The following DACH2 variants were observed in gnomAD, a reference collection of about 807,000 sequenced individuals.
DACH2 encodes dachshund homolog 2.
DACH2 carries 17 observed loss-of-function variants against 35.8 expected under a neutral mutation model. The observed-to-expected ratio is 0.48, with a 90% CI of 0.33 to 0.71. The LOEUF is 0.71. Among genes scored for constraint, DACH2 ranks in the 30% least tolerant of loss-of-function variants. The probability of loss-of-function intolerance (pLI) is 0.02; values close to 1 mark genes in which losing one functional copy is unlikely to be tolerated. For missense variants in DACH2, 469 were observed against 472.7 expected (o/e 0.99, Z 0.07); for synonymous variants, 195 against 177.3 (o/e 1.10, Z -0.79).
chrX:86,514,121 G>T (rs982675111), intron 2 of DACH2, 158 bp from the exon 3 acceptor site: 1 of 490,089 alleles, frequency 2.0e-6, no homozygotes, highest in East Asian at 3.7e-5. Flanking sequence ...GGAAAGTAAA[G>T]AATTGGTCTC....
intron 1 of DACH2, among the ~76,000 whole-genome samples, chrX:86,274,666 GT>G (rs1413140421): frequency 1.3e-4 from 14 of 107,438 alleles, no homozygotes; most frequent in Non-Finnish European, 2.5e-4. Context: ...GGTTAATTTT[GT>G]TTTTGTATTT....
chrX:86,485,024 G>C (rs2037997782), intron 2 of DACH2, among the ~76,000 whole-genome samples: 1 of 111,774 alleles, frequency 8.9e-6, no homozygotes, highest in African/African-American at 3.2e-5. Flanking sequence ...TAGATAGGAA[G>C]TATGTATAAA....
At chrX:86,233,395 A>G (rs1253792239) in intron 1 of DACH2, among the ~76,000 whole-genome samples, 1 of 112,119 alleles carries the variant, frequency 8.9e-6, no homozygotes, top group African/African-American at 3.2e-5. Flanking sequence ...ACTTCAATTC[A>G]TTTGCCTAGT....
intron 3 of DACH2, among the ~76,000 whole-genome samples, chrX:86,610,413 CT>C (rs1185675362): frequency 1.5e-5 from 1 of 68,188 alleles, no homozygotes; most frequent in African/African-American, 6.1e-5. Context: ...TTCTTTCTTT[CT>C]TTCTTTTCTT....
intron 7 of DACH2, among the ~76,000 whole-genome samples, chrX:86,765,986 C>T (rs1161562032): frequency 9.1e-6 from 1 of 109,826 alleles, no homozygotes; most frequent in Non-Finnish European, 1.9e-5. Flanking sequence ...GGTTAGAGTA[C>T]ACCATTCTTG....
At chrX:86,281,939 T>A (rs1422012591) in intron 1 of DACH2, among the ~76,000 whole-genome samples, 1 of 111,795 alleles carries the variant, frequency 8.9e-6, no homozygotes, top group Non-Finnish European at 1.9e-5. Context: ...GAATAAAATT[T>A]ACTAGGGATG....
chrX:86,152,229 T>G (rs1425107814), intron 1 of DACH2, among the ~76,000 whole-genome samples: 1 of 111,316 alleles, frequency 9.0e-6, no homozygotes, highest in Non-Finnish European at 1.9e-5. Flanking sequence ...ATAATAAACA[T>G]TTCTTCCCCT....
intron 2 of DACH2, among the ~76,000 whole-genome samples, chrX:86,457,421 C>T (rs1280225605): frequency 8.9e-6 from 1 of 111,892 alleles, no homozygotes; most frequent in Admixed American, 9.5e-5. Context: ...AGCAAAGTCA[C>T]CCACATGAAT....
intron 5 of DACH2, among the ~76,000 whole-genome samples, chrX:86,709,118 T>A (rs1298660946): frequency 1.8e-5 from 2 of 111,193 alleles, no homozygotes; most frequent in African/African-American, 6.5e-5. Flanking sequence ...CAAGAAAAAA[T>A]GTAGTGGACT....
intron 3 of DACH2, among the ~76,000 whole-genome samples, chrX:86,605,219 C>A (rs745871867): frequency 9.0e-6 from 1 of 111,374 alleles, no homozygotes; most frequent in Non-Finnish European, 1.9e-5. Context: ...TGTTTCTTTT[C>A]ATTTCTTTGT....
chrX:86,602,370 C>T (rs918805049), intron 3 of DACH2, among the ~76,000 whole-genome samples: 2 of 111,957 alleles, frequency 1.8e-5, no homozygotes, highest in African/African-American at 6.5e-5. Context: ...ACCTTGAGTA[C>T]GACTATTGGG....
At chrX:86,618,640 G>A (rs532994762) in intron 3 of DACH2, among the ~76,000 whole-genome samples, 12 of 111,870 alleles carry the variant, frequency 1.1e-4, no homozygotes, top group Admixed American at 1.9e-4. Flanking sequence ...TTTAGTTATC[G>A]TAATATTGTT....
chrX:86,331,675 T>A (rs905400318), intron 1 of DACH2, among the ~76,000 whole-genome samples: 2 of 111,648 alleles, frequency 1.8e-5, no homozygotes, highest in Admixed American at 1.9e-4. Flanking sequence ...ATTGATATTT[T>A]ACTGTCAGAT....
rs192259199 is a variant in DACH2 at position 86,312,023 on chromosome X, C to G, written c.489-64801C>G. 2.0e-4 allele frequency among the ~76,000 whole-genome samples: 22 copies of G among 111,124 alleles called. No homozygotes were observed. The East Asian group carries it at 4.9e-3, about 25-fold the overall frequency. On this transcript the variant is annotated intron_variant, in intron 1 of 11. Coordinates refer to ENST00000373125, the MANE Select transcript of DACH2 (RefSeq NM_053281.3). ...AGGAATGAAGGTTTAGGTCACCCCA[C>G]CAGGAAAAAAACCACAACCTGCTGA...
chrX:86,391,547 T>C (rs1244712241), intron 2 of DACH2, among the ~76,000 whole-genome samples: 2 of 110,852 alleles, frequency 1.8e-5, no homozygotes, highest in Non-Finnish European at 3.8e-5. Context: ...TACATGAGGT[T>C]TTAAAAAATA....
chrX:86,527,244 A>G (rs991276150), intron 3 of DACH2, among the ~76,000 whole-genome samples: 2 of 111,769 alleles, frequency 1.8e-5, no homozygotes, highest in Non-Finnish European at 3.8e-5. Flanking sequence ...TTGTACATAG[A>G]AAGTACAATT....
chrX:86,764,604 C>G (rs1331763237), intron 7 of DACH2, among the ~76,000 whole-genome samples: 2 of 111,169 alleles, frequency 1.8e-5, no homozygotes, highest in African/African-American at 6.5e-5. Context: ...TGTGTGTGTA[C>G]CACATTTTCT....
At chrX:86,567,138 G>A (rs2039303197) in intron 3 of DACH2, among the ~76,000 whole-genome samples, 2 of 111,691 alleles carry the variant, frequency 1.8e-5, no homozygotes, top group African/African-American at 6.5e-5. Flanking sequence ...TGGAATGAGG[G>A]TATAATCAAA....
At chrX:86,755,180 A>AT (rs759171146) in intron 7 of DACH2, among the ~76,000 whole-genome samples, 6 of 111,235 alleles carry the variant, frequency 5.4e-5, no homozygotes, top group African/African-American at 2.0e-4. Context: ...GATGTTGAAC[A>AT]TTTTTTTCAT....
Sources: gnomAD v4.1 joint callset for allele counts (sites outside exome capture counted in the v4.1 genomes callset) on GRCh38, gnomAD v4.1.1 for gene constraint, MANE v1.5 for transcripts, NCBI Gene and HGNC (gene_info 2026-07-23, HGNC 2026-07-21) for gene names.